Variants in CATSPERD observed in about 807,000 individuals in gnomAD.
The protein encoded by CATSPERD is catsper channel auxiliary subunit delta.
CATSPERD carries 86 observed loss-of-function variants against 98.1 expected under a neutral mutation model. The observed-to-expected ratio is 0.88, with a 90% CI of 0.74 to 1.05. CATSPERD has a LOEUF of 1.05. Ranked by LOEUF, CATSPERD falls within the 50% of genes least tolerant of loss-of-function variation. The pLI, the probability that CATSPERD is intolerant of heterozygous loss-of-function variation, is 0.00. For missense variants in CATSPERD, 995 were observed against 1,005.7 expected, an observed-to-expected ratio of 0.99 and a Z score of 0.14; for synonymous variants, 394 against 390.2, an observed-to-expected ratio of 1.01 and a Z score of -0.12.
chr19:5,752,683 T>A (rs955938195), intron 12 of CATSPERD, among the ~76,000 whole-genome samples: 8 of 151,986 alleles, frequency 5.3e-5, no homozygotes, highest in African/African-American at 1.9e-4. Flanking sequence ...GAAATCCAGA[T>A]TTTGAGAAAT....
intron 4 of CATSPERD, among the ~76,000 whole-genome samples, chr19:5,732,307 T>C (rs1192424195): frequency 1.3e-5 from 2 of 151,766 alleles, no homozygotes; most frequent in Non-Finnish European, 1.5e-5. Context: ...GGAGATGGAA[T>C]GAATTGAGGT....
chr19:5,742,281 TGTGTGTGC>T (rs1223984180), intron 7 of CATSPERD, among the ~76,000 whole-genome samples: 12 of 125,690 alleles, frequency 9.5e-5, no homozygotes, highest in African/African-American at 1.2e-4. Context: ...TGTGTGTACG[TGTGTGTGC>T]GTGTGTACGT....
intron 12 of CATSPERD, chr19:5,753,488 G>A (rs369203205): frequency 3.8e-5 from 9 of 235,818 alleles, no homozygotes; most frequent in South Asian, 1.2e-4. Flanking sequence ...CATGAACCCC[G>A]GAGGCAGAGC....
Position 5,754,759 on chromosome 19 carries a change from T to A in CATSPERD, c.1278+514T>A, listed in dbSNP as rs147901036. Among the ~76,000 whole-genome samples the A allele has an allele frequency of 2.4e-3, 371 of 152,138 alleles. 2 individuals carry two copies. The highest frequency in any genetic ancestry group is 8.5e-3 in the African/African-American group (352 of 41,540). ...TGTCTGGGCGTGATGAGGCTGTGGC[T>A]GTCCAGCTGGCCGCCTGGCCGCCCT... On this transcript the variant is annotated intron_variant, in intron 13 of 21. Coordinates refer to ENST00000381624, the MANE Select transcript of CATSPERD (RefSeq NM_152784.4).
At chr19:5,722,791 A>G (rs1210820399) in intron 1 of CATSPERD, among the ~76,000 whole-genome samples, 1 of 151,136 alleles carries the variant, frequency 6.6e-6, no homozygotes, top group Admixed American at 6.6e-5. Flanking sequence ...CCTCTGCTGT[A>G]AACTATACCA....
At position 5,772,938 on chromosome 19, in the gene CATSPERD, C is replaced by T. The variant is rs200017232; in HGVS notation, c.1914C>T (p.Phe638=). ...ACTGGACCACCATGATAAAGGAATTCGGGGGGCCCTTCTTCTGGAACAGAG... is the reference window on the plus strand; with the variant it reads ...ACTGGACCACCATGATAAAGGAATTTGGGGGGCCCTTCTTCTGGAACAGAG... The part of the protein sequence containing the change: ...PQNWTTMIKE[F]GGPFFWNREN... The change falls in exon 20 of 22, where the codon TTC becomes TTT. Residue 638 remains phenylalanine, a synonymous_variant. Coordinates refer to ENST00000381624, the MANE Select transcript of CATSPERD (RefSeq NM_152784.4). 219 of 1,613,808 alleles carry T rather than the reference C, an allele frequency of 1.4e-4. No individual in the cohort carries two copies. Among genetic ancestry groups the T allele is most frequent in the Non-Finnish European group, 1.7e-4 (205 of 1,179,960 alleles).
At position 5,752,794 on chromosome 19, in the gene CATSPERD, G is replaced by A. The variant is rs140999543; in HGVS notation, c.1164+971G>A. On this transcript the variant is annotated intron_variant, in intron 12 of 21. Coordinates refer to ENST00000381624, the MANE Select transcript of CATSPERD (RefSeq NM_152784.4). ...TGTAATCCTAACACTTTGGGAGGCC[G>A]AGGCGGGCGGATCACCTGAGGTCAG... is the stretch of plus-strand genomic sequence containing the variant. 3.7e-3 allele frequency among the ~76,000 whole-genome samples: 565 copies of A among 152,062 alleles called. 15 individuals are homozygous for A. The East Asian group carries it at 0.091, about 25-fold the overall frequency.
chr19:5,729,800 A>C, intron 3 of CATSPERD, 72 bp from the exon 4 acceptor site: 2 of 882,738 alleles, frequency 2.3e-6, no homozygotes, highest in Non-Finnish European at 3.6e-6. Flanking sequence ...GACATTTTAG[A>C]GTACCTCTAT....
chr19:5,757,485 T>C (rs1167513269), intron 13 of CATSPERD, among the ~76,000 whole-genome samples: 1 of 151,398 alleles, frequency 6.6e-6, no homozygotes, highest in Admixed American at 6.6e-5. Context: ...TTAGTAGAGA[T>C]GGGGTTTCTC....
chr19:5,746,815 T>C (rs1395382669), intron 9 of CATSPERD, among the ~76,000 whole-genome samples: 1 of 151,534 alleles, frequency 6.6e-6, no homozygotes, highest in Non-Finnish European at 1.5e-5. Context: ...GTTTTTCTTT[T>C]TTTTTTGGAG....
At position 5,759,089 on chromosome 19, in the gene CATSPERD, A is replaced by G; in HGVS notation, c.1372A>G (p.Ile458Val). The change falls in exon 15 of 22, where the codon ATT becomes GTT. Residue 458 changes from isoleucine to valine, a missense_variant. Physicochemically the swap from Ile to Val is conservative, Grantham distance 29 (BLOSUM62 3). This residue lies in a region of CATSPERD where 762 missense variants were observed against 773.7 expected (regional missense o/e 0.98). Transcript: ENST00000381624. The stretch of plus-strand genomic sequence containing the variant: ...ATTTTCTCTCTTGACCCCACAGGAT[A>G]TTTTCCTAAAACAGCAGCAGCACTG... ...SDGNTKYKLD[I>V]FLKQQQHWGR... The G allele has an allele frequency of 6.2e-7, 1 of 1,613,674 alleles. No homozygotes were observed. The highest frequency in any genetic ancestry group is 8.5e-7 in the Non-Finnish European group (1 of 1,179,896).
intron 16 of CATSPERD, among the ~76,000 whole-genome samples, chr19:5,764,640 G>A (rs1466480568): frequency 2.7e-5 from 4 of 150,740 alleles, no homozygotes; most frequent in Non-Finnish European, 4.4e-5. Context: ...TTTTTGAGAC[G>A]GAGTTTACTC....
At chr19:5,770,290 C>T (rs1180491077) in intron 18 of CATSPERD, among the ~76,000 whole-genome samples, 1 of 150,800 alleles carries the variant, frequency 6.6e-6, no homozygotes, top group African/African-American at 2.4e-5. Flanking sequence ...ATTAGCCGGG[C>T]GTGGTGGTGG....
intron 1 of CATSPERD, among the ~76,000 whole-genome samples, chr19:5,722,328 G>A (rs922937388): frequency 7.2e-5 from 11 of 151,992 alleles, no homozygotes. Flanking sequence ...CCACCATGTT[G>A]CCCAGGTTGG....
rs370586084 is a variant in CATSPERD, at chr19:5,778,368, C to T, written c.2097-8C>T. On this transcript the variant is annotated splice_region_variant and splice_polypyrimidine_tract_variant and intron_variant, in intron 21 of 21. Transcript: ENST00000381624. ...CCAACAGCCTCTCCCCGCCTCCCCC[C>T]ACCGCAGCTACTGTCAACTGGAGAC... 1.3e-6 allele frequency: 2 copies of T among 1,594,806 alleles called. No homozygotes were observed. Among genetic ancestry groups the T allele is most frequent in the South Asian group, 1.1e-5 (1 of 88,710 alleles).
intron 7 of CATSPERD, among the ~76,000 whole-genome samples, chr19:5,742,244 GTGAA>G (rs2055997433): frequency 6.6e-6 from 1 of 151,342 alleles, no homozygotes; most frequent in Non-Finnish European, 1.5e-5. Flanking sequence ...GTGTACGTAT[GTGAA>G]TGTGTGTGGG....
At chr19:5,733,326 T>C (rs56028033) in intron 4 of CATSPERD, among the ~76,000 whole-genome samples, 1,683 of 146,272 alleles carry the variant, frequency 0.012, 36 homozygotes, top group African/African-American at 0.04. Context: ...TTTCTTTCTT[T>C]CTTTCTTTCC....
At chr19:5,776,079 C>T (rs2056736480) in intron 20 of CATSPERD, 82 bp from the exon 21 acceptor site, 4 of 1,485,350 alleles carry the variant, frequency 2.7e-6, no homozygotes, top group Admixed American at 1.9e-5. Flanking sequence ...GGGGTGGGTG[C>T]AGGGCCTCCG....
chr19:5,760,917 C>T (rs555940627), intron 15 of CATSPERD, among the ~76,000 whole-genome samples: 4 of 150,136 alleles, frequency 2.7e-5, no homozygotes, highest in Admixed American at 6.7e-5. Flanking sequence ...TGACCCTGGG[C>T]GACAGAGCGA....
Sources: allele counts gnomAD v4.1 joint callset (sites outside exome capture counted in the v4.1 genomes callset), GRCh38; gene constraint gnomAD v4.1.1; regional missense constraint gnomAD v4.1.1; transcripts MANE v1.5; gene names NCBI Gene and HGNC (gene_info 2026-07-23, HGNC 2026-07-21).